The following RCOR3 variants were observed in gnomAD, a reference collection of about 807,000 sequenced individuals.
RCOR3 encodes the protein REST corepressor 3.
Under a neutral mutation model 64.1 loss-of-function variants are expected in RCOR3, and 13 were observed. The ratio of observed to expected loss-of-function variants is 0.20; its 90% CI spans 0.13 to 0.32. The LOEUF is 0.32. RCOR3 is among the 10% of genes least tolerant of loss of function. The pLI is 1.00. For synonymous variants in RCOR3, 215 were observed against 239.0 expected, an observed-to-expected ratio of 0.90 and a Z score of 0.93; for missense variants, 489 against 701.2, an observed-to-expected ratio of 0.70 and a Z score of 3.42.
chr1:211,267,017 GAGA>G (rs1282528095), intron 2 of RCOR3, among the ~76,000 whole-genome samples: 1 of 152,184 alleles, frequency 6.6e-6, no homozygotes, highest in Non-Finnish European at 1.5e-5. Context: ...TTGATAAGGT[GAGA>G]AGAAGCCTTT....
chr1:211,275,113 TAATGA>T (rs997503383), intron 4 of RCOR3, among the ~76,000 whole-genome samples: 28 of 151,878 alleles, frequency 1.8e-4, no homozygotes, highest in African/African-American at 6.5e-4. Context: ...AATTACAGAA[TAATGA>T]AATGAAAGAG....
Position 211,314,050 on chromosome 1 carries a change from A to C in RCOR3, c.*282A>C. ...AACAAAAGATTTAAGTATTCTATATACCAAGTTTTTGTTTTGTTTTTACTG... is the reference window on the plus strand; with the variant it reads ...AACAAAAGATTTAAGTATTCTATATCCCAAGTTTTTGTTTTGTTTTTACTG... On this transcript the variant is annotated 3_prime_UTR_variant, in exon 12 of 12. Transcript: ENST00000419091. 1 of 330,340 alleles carries C rather than the reference A, an allele frequency of 3.0e-6. No individual in the cohort carries two copies. Among genetic ancestry groups the C allele is most frequent in the Non-Finnish European group, 5.5e-6 (1 of 180,320 alleles). 20.5% of individuals were successfully genotyped at this position (330,340 alleles called of 1,614,324 possible). A position where few individuals can be genotyped will look rare whatever the true frequency, so the allele number is the denominator to read the frequency against.
At chr1:211,298,507 C>T (rs572316018) in intron 9 of RCOR3, among the ~76,000 whole-genome samples, 1 of 152,198 alleles carries the variant, frequency 6.6e-6, no homozygotes, top group African/African-American at 2.4e-5. Context: ...ATTATGTGCT[C>T]ATTATTGTGC....
In RCOR3 at chr1:211,278,097, T is replaced by C. The variant is rs756926178; in HGVS notation, c.517-20T>C. ...TGTTTATGAATTAAACTTGCTGATATTAACATGATTTTTTTTAAGCTTCCA... is the reference window on the plus strand; with the variant it reads ...TGTTTATGAATTAAACTTGCTGATACTAACATGATTTTTTTTAAGCTTCCA... On this transcript the variant is annotated intron_variant, in intron 5 of 11. Transcript: ENST00000419091. 1.3e-6 allele frequency: 2 copies of C among 1,579,300 alleles called. No individual in the cohort carries two copies. The highest frequency in any genetic ancestry group is 2.7e-5 in the African/African-American group (2 of 72,956).
intron 4 of RCOR3, among the ~76,000 whole-genome samples, chr1:211,275,890 G>T (rs1256214181): frequency 6.6e-6 from 1 of 152,100 alleles, no homozygotes; most frequent in Non-Finnish European, 1.5e-5. Context: ...TTCAAGTATG[G>T]ATTTATTGGA....
chr1:211,266,111 T>C (rs1337889169), intron 2 of RCOR3, among the ~76,000 whole-genome samples: 1 of 152,180 alleles, frequency 6.6e-6, no homozygotes, highest in African/African-American at 2.4e-5. Flanking sequence ...AAATTGATTC[T>C]CTTAAAATTT....
At chr1:211,304,273 A>G in intron 10 of RCOR3, 133 bp downstream of exon 10, 1 of 559,044 alleles carries the variant, frequency 1.8e-6, no homozygotes, top group South Asian at 4.2e-5. Flanking sequence ...AGTCCTGGTG[A>G]CCAGGAATTC....
Position 211,259,462 on chromosome 1 carries a change from C to G in RCOR3, c.-99C>G, listed in dbSNP as rs925841744. ...TCCTCCGCCGCCGCCGCCGTCTCCT[C>G]CTCCTCCTCCTTTCCCTCCCGCCCG... On this transcript the variant is annotated 5_prime_UTR_variant, in exon 1 of 12. Transcript: ENST00000419091. 4.1e-6 allele frequency: 5 copies of G among 1,204,908 alleles called. No homozygotes were observed. Among genetic ancestry groups the G allele is most frequent in the Non-Finnish European group, 5.7e-6 (5 of 872,492 alleles). 74.6% of individuals were successfully genotyped at this position (1,204,908 alleles called of 1,614,324 possible).
chr1:211,308,663 T>TTTTTTG (rs1701122986), intron 10 of RCOR3, among the ~76,000 whole-genome samples: 2 of 34,852 alleles, frequency 5.7e-5, no homozygotes, highest in African/African-American at 1.5e-4. Flanking sequence ...TTGGATGTGT[T>TTTTTTG]TTTTTTTTTG....
At chr1:211,304,010 T>C in intron 9 of RCOR3, 73 bp from the exon 10 acceptor site, 1 of 1,005,792 alleles carries the variant, frequency 9.9e-7, no homozygotes, top group Non-Finnish European at 1.5e-6. Context: ...TTGATGAAAA[T>C]TTAAAAAAAT....
At chr1:211,278,502 G>A (rs1029189796) in intron 6 of RCOR3, among the ~76,000 whole-genome samples, 7 of 152,038 alleles carry the variant, frequency 4.6e-5, no homozygotes, top group Non-Finnish European at 1.0e-4. Flanking sequence ...TAAAGAATAT[G>A]TTCTATGAAA....
chr1:211,298,623 A>T (rs1050253164), intron 9 of RCOR3, among the ~76,000 whole-genome samples: 1 of 152,210 alleles, frequency 6.6e-6, no homozygotes, highest in African/African-American at 2.4e-5. Flanking sequence ...AGGAATGAAC[A>T]TGGTATATGA....
chr1:211,308,662 T>G (rs1044798589), intron 10 of RCOR3, among the ~76,000 whole-genome samples: 84 of 49,892 alleles, frequency 1.7e-3, no homozygotes, highest in African/African-American at 5.0e-3. Flanking sequence ...TTTGGATGTG[T>G]TTTTTTTTTT....
intron 2 of RCOR3, among the ~76,000 whole-genome samples, chr1:211,262,650 A>G (rs1045486463): frequency 3.3e-5 from 5 of 152,232 alleles, no homozygotes; most frequent in Admixed American, 2.6e-4. Flanking sequence ...TTTAAGAGCC[A>G]GACTTAATGC....
chr1:211,272,643 A>C (rs1308360078), intron 3 of RCOR3, among the ~76,000 whole-genome samples: 1 of 5,712 alleles, frequency 1.8e-4, no homozygotes, highest in Non-Finnish European at 1.2e-3. Flanking sequence ...TTTTTTTGAG[A>C]CGGAGTCTCG....
At chr1:211,293,066 A>T (rs1699425211) in intron 8 of RCOR3, among the ~76,000 whole-genome samples, 1 of 141,674 alleles carries the variant, frequency 7.1e-6, no homozygotes, top group South Asian at 2.2e-4. Flanking sequence ...CCTGGGCGAC[A>T]GAGTGAGACT....
chr1:211,274,752 T>C (rs1393782911), intron 4 of RCOR3, among the ~76,000 whole-genome samples: 1 of 151,890 alleles, frequency 6.6e-6, no homozygotes, highest in East Asian at 1.9e-4. Context: ...CACAAAAGGC[T>C]TTTTTTGTTA....
chr1:211,260,129 C>G lies in RCOR3; in HGVS notation c.188C>G (p.Ala63Gly), dbSNP rs779834759. 1.7e-5 allele frequency: 27 copies of G among 1,611,748 alleles called. No individual in the cohort carries two copies. In the Admixed American group the frequency reaches 4.2e-4, roughly 25 times the overall value. The change falls in exon 2 of 12, where the codon GCC becomes GGC. Residue 63 changes from alanine to glycine, a missense_variant. This residue lies in a region of RCOR3 where 402 missense variants were observed against 617.0 expected (regional missense o/e 0.65). Transcript: ENST00000419091. ...GCAGATGTTGGGATGAGAGTCGGAG[C>G]CGAATACCAAGCTCGGATCCCTGAA... is the stretch of plus-strand genomic sequence containing the variant. ...DEHDVGMRVG[A>G]EYQARIPEFD...
At chr1:211,266,937 G>A (rs1438846695) in intron 2 of RCOR3, among the ~76,000 whole-genome samples, 2 of 152,134 alleles carry the variant, frequency 1.3e-5, no homozygotes, top group Non-Finnish European at 2.9e-5. Flanking sequence ...ATTTTCAAGG[G>A]GTTGGTGAGA....
Sources: gnomAD v4.1 joint callset for allele counts (sites outside exome capture counted in the v4.1 genomes callset) on GRCh38, gnomAD v4.1.1 for gene constraint, gnomAD v4.1.1 regional missense constraint, MANE v1.5 for transcripts, NCBI Gene and HGNC (gene_info 2026-07-23, HGNC 2026-07-21) for gene names.